The following MKLN1 variants were observed in gnomAD, a reference collection of about 807,000 sequenced individuals.
The protein encoded by MKLN1 is muskelin 1, also known as muskelin.
MKLN1 carries 18 observed loss-of-function variants against 99.0 expected under a neutral mutation model. The ratio of observed to expected loss-of-function variants is 0.18; its 90% CI spans 0.13 to 0.27. The LOEUF is 0.27. Ranked by LOEUF, MKLN1 falls within the 10% of genes least tolerant of loss-of-function variation. The pLI is 1.00. For synonymous variants in MKLN1, 288 were observed against 293.2 expected, an observed-to-expected ratio of 0.98 and a Z score of 0.18; for missense variants, 621 against 875.9, an observed-to-expected ratio of 0.71 and a Z score of 3.67.
At chr7:131,379,152 A>C (rs540122357) in intron 2 of MKLN1, among the ~76,000 whole-genome samples, 1 of 152,212 alleles carries the variant, frequency 6.6e-6, no homozygotes, top group Non-Finnish European at 1.5e-5. Flanking sequence ...GTGGATGAAT[A>C]GTACATTTAA....
At chr7:131,207,712 T>C (rs1796839858) in intron 3 of MKLN1, among the ~76,000 whole-genome samples, 1 of 152,106 alleles carries the variant, frequency 6.6e-6, no homozygotes, top group African/African-American at 2.4e-5. Flanking sequence ...TCCAGAAGCC[T>C]GGGCCCACAG....
At chr7:131,355,667 T>G (rs1799853685) in intron 1 of MKLN1, among the ~76,000 whole-genome samples, 1 of 147,840 alleles carries the variant, frequency 6.8e-6, no homozygotes, top group Non-Finnish European at 1.5e-5. Context: ...GTTCTGGGGT[T>G]TTTTGTTTTT....
intron 3 of MKLN1, among the ~76,000 whole-genome samples, chr7:131,279,878 CA>C (rs1798026582): frequency 1.3e-5 from 2 of 151,956 alleles, no homozygotes; most frequent in African/African-American, 4.8e-5. Context: ...ATTGTGCAAC[CA>C]TCACAACTAT....
At chr7:131,298,865 A>C (rs1022163307) in intron 3 of MKLN1, among the ~76,000 whole-genome samples, 43 of 152,188 alleles carry the variant, frequency 2.8e-4, no homozygotes, top group Non-Finnish European at 1.3e-4. Context: ...GTCAACTATC[A>C]AGCGAAATAC....
intron 2 of MKLN1, among the ~76,000 whole-genome samples, chr7:131,158,187 C>T (rs1795996093): frequency 6.6e-6 from 1 of 152,194 alleles, no homozygotes; most frequent in African/African-American, 2.4e-5. Flanking sequence ...AGCCTGTAAT[C>T]CCAGCACTTG....
chr7:131,355,968 AT>A (rs1239552397), intron 1 of MKLN1, among the ~76,000 whole-genome samples: 2 of 151,598 alleles, frequency 1.3e-5, no homozygotes, highest in Non-Finnish European at 2.9e-5. Flanking sequence ...TATCTCTTAA[AT>A]TTTAGACTTT....
chr7:131,485,517 G>A (rs1029024377), intron 17 of MKLN1, among the ~76,000 whole-genome samples: 7 of 152,052 alleles, frequency 4.6e-5, no homozygotes, highest in African/African-American at 7.2e-5. Flanking sequence ...CCTATCAATA[G>A]TTTATTAATT....
At chr7:131,398,390 G>A (rs1481855319) in intron 5 of MKLN1, among the ~76,000 whole-genome samples, 1 of 152,030 alleles carries the variant, frequency 6.6e-6, no homozygotes, top group African/African-American at 2.4e-5. Context: ...AGGTAGTTCA[G>A]GCTTAGAAAA....
intron 3 of MKLN1, among the ~76,000 whole-genome samples, chr7:131,225,203 C>G (rs1443010079): frequency 6.6e-6 from 1 of 152,124 alleles, no homozygotes; most frequent in African/African-American, 2.4e-5. Context: ...AGTTCTAGAG[C>G]TGGGAAGCCA....
At position 131,198,549 on chromosome 7, in the gene MKLN1, T is replaced by C. The variant is rs991214998; in HGVS notation, c.-296-4308T>C. On this transcript the variant is annotated intron_variant, in intron 2 of 7. Transcript: ENST00000416992. ...AAAAAATTTCAAAGATAGTGTGTCC[T>C]GTGAAAACAGTCAGATATCCTTTCT... Among the ~76,000 whole-genome samples, 5 of 126,910 alleles carry C rather than the reference T, an allele frequency of 3.9e-5. No individual in the cohort carries two copies. The Admixed American group carries it at 4.4e-4, about 11-fold the overall frequency. The allele number at this position is 126,910 out of a possible 152,430, so 83.3% of individuals were successfully genotyped here. A position where few individuals can be genotyped will look rare whatever the true frequency, so the allele number is the denominator to read the frequency against.
intron 1 of MKLN1, among the ~76,000 whole-genome samples, chr7:131,141,543 T>C (rs1402964017): frequency 1.3e-5 from 2 of 152,188 alleles, no homozygotes; most frequent in African/African-American, 4.8e-5. Context: ...TCCAGTCTCA[T>C]CTCTGACCAC....
intron 1 of MKLN1, among the ~76,000 whole-genome samples, chr7:131,362,276 A>G (rs1800053199): frequency 6.6e-6 from 1 of 152,036 alleles, no homozygotes; most frequent in Non-Finnish European, 1.5e-5. Flanking sequence ...AGCGTACTCC[A>G]TTATATAGCT....
intron 2 of MKLN1, among the ~76,000 whole-genome samples, chr7:131,165,464 C>T (rs1376806626): frequency 6.6e-6 from 1 of 152,142 alleles, no homozygotes; most frequent in Non-Finnish European, 1.5e-5. Context: ...GGATTACAGG[C>T]GTGAGCCACC....
rs2116680784 is a variant in MKLN1 at position 131,327,904 on chromosome 7, C to T, written c.5C>T (p.Ala2Val). M[A>V]AGGAVAAAPE... ...GGCCGCTACGGTGCTGACAAGATGG[C>T]GGCTGGCGGAGCTGTCGCTGCGGCG... The change falls in exon 1 of 18, where the codon GCG becomes GTG. Residue 2 changes from alanine to valine, a missense_variant. Coordinates refer to ENST00000352689, the MANE Select transcript of MKLN1 (RefSeq NM_013255.5). 6.2e-7 allele frequency: 1 copy of T among 1,611,588 alleles called. No homozygotes were observed. Among genetic ancestry groups the T allele is most frequent in the Non-Finnish European group, 8.5e-7 (1 of 1,179,672 alleles).
chr7:131,370,600 T>G (rs752258493), intron 1 of MKLN1, among the ~76,000 whole-genome samples: 2 of 152,150 alleles, frequency 1.3e-5, no homozygotes, highest in Non-Finnish European at 2.9e-5. Context: ...GCTTGTCTTA[T>G]GGGTTTTGGT....
At chr7:131,431,675 TA>T (rs1563344931) in intron 9 of MKLN1, among the ~76,000 whole-genome samples, 3 of 152,004 alleles carry the variant, frequency 2.0e-5, no homozygotes, top group African/African-American at 7.2e-5. Context: ...TGCAGGATAC[TA>T]TTAAAGGGCA....
intron 12 of MKLN1, among the ~76,000 whole-genome samples, chr7:131,461,872 T>C (rs1193462200): frequency 3.9e-5 from 6 of 152,144 alleles, no homozygotes; most frequent in Non-Finnish European, 7.4e-5. Context: ...AATAAGAAAA[T>C]TTGTCATTTG....
intron 4 of MKLN1, among the ~76,000 whole-genome samples, chr7:131,393,578 CAG>C (rs1448786848): frequency 6.6e-6 from 1 of 151,970 alleles, no homozygotes; most frequent in African/African-American, 2.4e-5. Flanking sequence ...CATTGGGTAA[CAG>C]ATTAAATTTC....
intron 4 of MKLN1, among the ~76,000 whole-genome samples, chr7:131,393,214 T>C (rs1373723664): frequency 6.6e-6 from 1 of 152,236 alleles, no homozygotes; most frequent in East Asian, 1.9e-4. Flanking sequence ...CCTTGGGATA[T>C]GTATTAGGAG....
Sources: allele counts gnomAD v4.1 joint callset (sites outside exome capture counted in the v4.1 genomes callset), GRCh38; gene constraint gnomAD v4.1.1; transcripts MANE v1.5; gene names NCBI Gene and HGNC (gene_info 2026-07-23, HGNC 2026-07-21).